The following KANK4 variants were observed in gnomAD, a reference collection of about 807,000 sequenced individuals.
KANK4 encodes the protein KN motif and ankyrin repeat domain-containing protein 4.
Under a neutral mutation model 80.8 loss-of-function variants are expected in KANK4, and 50 were observed. That is an observed-to-expected ratio of 0.62 (90% confidence interval 0.49 to 0.78). KANK4 has a LOEUF of 0.78. KANK4 is among the 30% of genes least tolerant of loss of function. The pLI, the probability that KANK4 is intolerant of heterozygous loss-of-function variation, is 0.00. For synonymous variants in KANK4, 465 were observed against 506.9 expected, an observed-to-expected ratio of 0.92 and a Z score of 1.11; for missense variants, 1,196 against 1,240.1, an observed-to-expected ratio of 0.96 and a Z score of 0.53.
At position 62,274,511 on chromosome 1, in the gene KANK4, C is replaced by T. The variant is rs1366001231; in HGVS notation, c.593G>A (p.Ser198Asn). The change falls in exon 3 of 10, where the codon AGT (serine) becomes AAT (asparagine). Residue 198 changes from serine to asparagine, a missense_variant. Around this residue, in one of 3 missense-constraint regions of KANK4, gnomAD observed 1,154 missense variants for 1,179.6 expected, o/e 0.98. Transcript: ENST00000371153. ...PALPPLQGEG[S>N]VCDGTFEPAE... ...AGGTTCAAAGGTGCCATCACAGACA[C>T]TGCCTTCACCCTGAAGGGGAGGGAG... 6.2e-7 allele frequency: 1 copy of T among 1,614,118 alleles called. No homozygotes were observed. The highest frequency in any genetic ancestry group is 2.2e-5 in the East Asian group (1 of 44,886).
At chr1:62,241,319 C>T (rs879613669) in intron 9 of KANK4, among the ~76,000 whole-genome samples, 11 of 151,650 alleles carry the variant, frequency 7.3e-5, no homozygotes, top group Admixed American at 3.3e-4. Context: ...TGTGCCAGGG[C>T]GGGGTAGAAG....
intron 1 of KANK4, among the ~76,000 whole-genome samples, chr1:62,315,943 G>T (rs1397079143): frequency 6.6e-6 from 1 of 152,184 alleles, no homozygotes; most frequent in African/African-American, 2.4e-5. Context: ...CACGGGTCCT[G>T]GCACAGAGCA....
At chr1:62,267,916 T>C (rs573860167) in intron 5 of KANK4, among the ~76,000 whole-genome samples, 4 of 152,280 alleles carry the variant, frequency 2.6e-5, no homozygotes, top group South Asian at 2.1e-4. Flanking sequence ...TTCTGCTAGC[T>C]GCGTCCCCAC....
chr1:62,283,024 C>A (rs779768580), intron 1 of KANK4, among the ~76,000 whole-genome samples: 2 of 152,166 alleles, frequency 1.3e-5, no homozygotes, highest in Admixed American at 6.5e-5. Flanking sequence ...AAGGTTCTAA[C>A]CTGGGGTGAG....
intron 9 of KANK4, among the ~76,000 whole-genome samples, chr1:62,239,657 C>T (rs1208010852): frequency 3.9e-5 from 6 of 152,084 alleles, no homozygotes; most frequent in Non-Finnish European, 8.8e-5. Flanking sequence ...AATGCTATCC[C>T]TCCTCACTCC....
intron 1 of KANK4, among the ~76,000 whole-genome samples, chr1:62,309,362 C>T (rs185306877): frequency 1.7e-3 from 254 of 152,302 alleles, no homozygotes; most frequent in Middle Eastern, 6.8e-3. Flanking sequence ...TGGGAGGATA[C>T]CAGCTTTCAG....
intron 6 of KANK4, among the ~76,000 whole-genome samples, chr1:62,264,927 G>C (rs148309495): frequency 1.7e-4 from 26 of 152,284 alleles, no homozygotes; most frequent in Non-Finnish European, 1.9e-4. Flanking sequence ...CACCTCCTGG[G>C]TTCAAGCAAT....
intron 9 of KANK4, among the ~76,000 whole-genome samples, chr1:62,245,466 G>T (rs1671443026): frequency 6.6e-6 from 1 of 152,186 alleles, no homozygotes; most frequent in Admixed American, 6.5e-5. Context: ...CCCAGTAAGA[G>T]GTGCTGTCCC....
intron 9 of KANK4, among the ~76,000 whole-genome samples, chr1:62,244,962 C>G (rs772082838): frequency 3.3e-5 from 5 of 152,216 alleles, no homozygotes; most frequent in Non-Finnish European, 5.9e-5. Flanking sequence ...TTAGCTCTCT[C>G]GTACCTGTGA....
chr1:62,240,129 C>T (rs12030846), intron 9 of KANK4, among the ~76,000 whole-genome samples: 36,789 of 152,116 alleles, frequency 0.24, 5,072 homozygotes, highest in Non-Finnish European at 0.31. Flanking sequence ...ACAGTCCCAC[C>T]AACAGTGTAA....
chr1:62,278,753 G>A (rs1344798912), intron 2 of KANK4, among the ~76,000 whole-genome samples: 1 of 151,874 alleles, frequency 6.6e-6, no homozygotes, highest in Non-Finnish European at 1.5e-5. Context: ...CCCTCGCAAA[G>A]AAACACACTG....
intron 9 of KANK4, among the ~76,000 whole-genome samples, chr1:62,244,115 GC>G (rs1671410419): frequency 6.6e-6 from 1 of 151,908 alleles, no homozygotes; most frequent in African/African-American, 2.4e-5. Flanking sequence ...GCATCTAGAG[GC>G]CCAGAATACT....
At chr1:62,298,413 A>G (rs1644385055) in intron 1 of KANK4, among the ~76,000 whole-genome samples, 1 of 152,202 alleles carries the variant, frequency 6.6e-6, no homozygotes, top group South Asian at 2.1e-4. Context: ...GATCTTGTTA[A>G]CATGCAGATG....
intron 9 of KANK4, among the ~76,000 whole-genome samples, chr1:62,246,556 T>C (rs1349834300): frequency 6.6e-6 from 1 of 152,166 alleles, no homozygotes; most frequent in African/African-American, 2.4e-5. Flanking sequence ...GTTTCACGGC[T>C]CTAAGACTCC....
In KANK4 at chr1:62,238,514, A is replaced by G. The variant is rs1029336504; in HGVS notation, c.2884-133T>C. On this transcript the variant is annotated intron_variant, in intron 9 of 9. Coordinates refer to ENST00000371153, the MANE Select transcript of KANK4 (RefSeq NM_181712.5). The stretch of plus-strand genomic sequence containing the variant: ...TTAAGGCTTCCAGAGACCTCGGTAG[A>G]GAAGATTCGAATGGCATGAGGATCA... 2.0e-5 allele frequency: 13 copies of G among 637,746 alleles called. No homozygotes were observed. The Middle Eastern group carries it at 8.7e-4, about 43-fold the overall frequency. The allele number at this position is 637,746 out of a possible 1,614,324, so 39.5% of individuals were successfully genotyped here.
At position 62,274,643 on chromosome 1, in the gene KANK4, C is replaced by T; in HGVS notation, c.461G>A (p.Ser154Asn). The change falls in exon 3 of 10, where the codon AGT becomes AAT. Residue 154 changes from serine (S) to asparagine (N), a missense_variant. Physicochemically the swap from Ser to Asn is conservative, Grantham distance 46 (BLOSUM62 1). This residue lies in a region of KANK4 where 1,154 missense variants were observed against 1,179.6 expected (regional missense o/e 0.98). Transcript: ENST00000371153. Reference protein sequence around the residue: ...EPEDAELTFGSGRPQLLRASS... With the variant: ...EPEDAELTFGNGRPQLLRASS... ...TGCTCTCAAGAGCTGGGGCCGTCCACTCCCAAAAGTGAGCTCGGCATCCTC... is the reference window on the plus strand; with the variant it reads ...TGCTCTCAAGAGCTGGGGCCGTCCATTCCCAAAAGTGAGCTCGGCATCCTC... 1 of 1,614,208 alleles carries T rather than the reference C, an allele frequency of 6.2e-7. No individual in the cohort carries two copies. Among genetic ancestry groups the T allele is most frequent in the Non-Finnish European group, 8.5e-7 (1 of 1,180,036 alleles).
rs1188600487 is a variant in KANK4 at position 62,273,518 on chromosome 1, T to C, written c.1586A>G (p.Lys529Arg). 1.2e-6 allele frequency: 2 copies of C among 1,613,674 alleles called. No homozygotes were observed. Among genetic ancestry groups the C allele is most frequent in the Non-Finnish European group, 1.7e-6 (2 of 1,179,668 alleles). ...AGGFLWGSDRKTPPAGREETS... is the reference protein window; with the variant it reads ...AGGFLWGSDRRTPPAGREETS... ...CTCCTCCCTCCCTGCTGGGGGAGTC[T>C]TTCTGTCGCTGCCCCACAGAAAGCC... Residue 529 changes from lysine (K) to arginine (R), a missense_variant, in exon 3 of 10, where the codon AAG becomes AGG. This residue lies in a region of KANK4 where 1,154 missense variants were observed against 1,179.6 expected (regional missense o/e 0.98). Coordinates refer to ENST00000371153, the MANE Select transcript of KANK4 (RefSeq NM_181712.5).
intron 9 of KANK4, among the ~76,000 whole-genome samples, chr1:62,246,927 A>C (rs142016882): frequency 6.6e-6 from 1 of 151,880 alleles, no homozygotes; most frequent in African/African-American, 2.4e-5. Flanking sequence ...GGTCCAGCTA[A>C]TTTTTGTATT....
At chr1:62,299,675 T>C (rs1248048094) in intron 1 of KANK4, among the ~76,000 whole-genome samples, 1 of 152,218 alleles carries the variant, frequency 6.6e-6, no homozygotes, top group African/African-American at 2.4e-5. Context: ...AAGTGCTTAG[T>C]ACAATGCTGA....
Sources: allele counts gnomAD v4.1 joint callset (sites outside exome capture counted in the v4.1 genomes callset), GRCh38; gene constraint gnomAD v4.1.1; regional missense constraint gnomAD v4.1.1; transcripts MANE v1.5; gene names NCBI Gene and HGNC (gene_info 2026-07-23, HGNC 2026-07-21).